TPD52L1: variants seen among roughly 807,000 people sequenced by gnomAD.
The protein encoded by TPD52L1 is TPD52 like 1, also known as tumor protein D53.
Under a neutral mutation model 28.7 loss-of-function variants are expected in TPD52L1, and 18 were observed. That is an observed-to-expected ratio of 0.63 (90% CI 0.43 to 0.93). The LOEUF (loss-of-function observed/expected upper bound fraction) is 0.93, where lower values mean the gene tolerates loss of function less well. Among genes scored for constraint, TPD52L1 ranks in the 40% least tolerant of loss-of-function variants. The pLI is 0.00. For synonymous variants in TPD52L1, 75 were observed against 88.8 expected, an observed-to-expected ratio of 0.84 and a Z score of 0.88; for missense variants, 203 against 254.8, an observed-to-expected ratio of 0.80 and a Z score of 1.39.
chr6:125,177,692 G>A (rs1008849878), intron 1 of TPD52L1, among the ~76,000 whole-genome samples: 1 of 152,108 alleles, frequency 6.6e-6, no homozygotes, highest in African/African-American at 2.4e-5. Flanking sequence ...TAATTAAAAA[G>A]TTAACATTTT....
chr6:125,254,558 C>A (rs1016315196), intron 5 of TPD52L1, among the ~76,000 whole-genome samples: 3 of 152,034 alleles, frequency 2.0e-5, no homozygotes, highest in East Asian at 3.9e-4. Flanking sequence ...AGAGATGAAG[C>A]CTTTGGGATC....
At chr6:125,239,762 CAA>C (rs1193372042) in intron 3 of TPD52L1, among the ~76,000 whole-genome samples, 6 of 152,104 alleles carry the variant, frequency 3.9e-5, no homozygotes, top group African/African-American at 1.4e-4. Context: ...GCATAGTTTG[CAA>C]AGATTTTCTC....
chr6:125,182,614 C>T (rs1034181967), intron 1 of TPD52L1, among the ~76,000 whole-genome samples: 1 of 152,168 alleles, frequency 6.6e-6, no homozygotes, highest in East Asian at 1.9e-4. Context: ...ATTTAGTTAA[C>T]TTGACTGAGA....
chr6:125,153,929 C>T lies in TPD52L1; in HGVS notation c.-23C>T. 6.2e-7 allele frequency: 1 copy of T among 1,602,242 alleles called. No individual in the cohort carries two copies. The highest frequency in any genetic ancestry group is 8.5e-7 in the Non-Finnish European group (1 of 1,177,440). On this transcript the variant is annotated 5_prime_UTR_variant, in exon 1 of 7. Coordinates refer to ENST00000534000, the MANE Select transcript of TPD52L1 (RefSeq NM_003287.4). Reference sequence around the variant, plus strand: ...GGGAAGCACCAGGGTGTCCCCGCCGCCCTCAGCTCGAAGTCAGCCACCATG... The same window carrying T: ...GGGAAGCACCAGGGTGTCCCCGCCGTCCTCAGCTCGAAGTCAGCCACCATG...
At chr6:125,239,533 T>C (rs1796493157) in intron 3 of TPD52L1, among the ~76,000 whole-genome samples, 1 of 152,148 alleles carries the variant, frequency 6.6e-6, no homozygotes, top group African/African-American at 2.4e-5. Context: ...AAAAATAGTA[T>C]GTGGGAAACC....
chr6:125,193,847 A>G (rs1340821522), intron 1 of TPD52L1, among the ~76,000 whole-genome samples: 1 of 152,130 alleles, frequency 6.6e-6, no homozygotes, highest in East Asian at 1.9e-4. Context: ...AGCCTTGCAG[A>G]GTGAGCTGGG....
intron 1 of TPD52L1, among the ~76,000 whole-genome samples, chr6:125,180,569 T>TATAC (rs1554203761): frequency 0.011 from 1,721 of 150,248 alleles, 28 homozygotes; most frequent in African/African-American, 0.04. Flanking sequence ...ATATTATATA[T>TATAC]ACACACACAC....
At chr6:125,235,249 T>A (rs998916920) in intron 3 of TPD52L1, among the ~76,000 whole-genome samples, 57 of 151,902 alleles carry the variant, frequency 3.8e-4, no homozygotes, top group Non-Finnish European at 5.1e-4. Context: ...TCAATCAGGA[T>A]GCAGCATAAG....
chr6:125,154,588 G>T, intron 1 of TPD52L1: 2 of 955,248 alleles, frequency 2.1e-6, no homozygotes, highest in Non-Finnish European at 1.2e-6. Context: ...GGCGCGCGGG[G>T]CCCCCGGCCG....
chr6:125,235,383 G>A (rs79675163), intron 3 of TPD52L1, among the ~76,000 whole-genome samples: 1,607 of 151,900 alleles, frequency 0.011, 28 homozygotes, highest in African/African-American at 0.037. Context: ...CATAAAATAC[G>A]CTAAGGATAG....
intron 1 of TPD52L1, among the ~76,000 whole-genome samples, chr6:125,190,413 A>C (rs1218955852): frequency 6.6e-6 from 1 of 152,164 alleles, no homozygotes; most frequent in Non-Finnish European, 1.5e-5. Context: ...AGAGCCATGA[A>C]GACTGTCCCA....
At chr6:125,203,672 G>T (rs1361924326) in intron 1 of TPD52L1, 1 of 985,278 alleles carries the variant, frequency 1.0e-6, no homozygotes, top group Non-Finnish European at 1.2e-6. Context: ...ATGACCTCAG[G>T]TCAGGAATAA....
intron 3 of TPD52L1, among the ~76,000 whole-genome samples, chr6:125,241,797 A>G (rs550621466): frequency 1.4e-5 from 2 of 145,974 alleles, no homozygotes; most frequent in Admixed American, 1.4e-4. Flanking sequence ...TAACTTTTAT[A>G]TCTTTTTTTT....
chr6:125,217,232 C>T lies in TPD52L1; in HGVS notation c.20-2846C>T, dbSNP rs764658220. The stretch of plus-strand genomic sequence containing the variant: ...TAATTTTTCCACAGACAAAGGGTGG[C>T]GGTGATGTTTTTGGGATGATTCAAG... On this transcript the variant is annotated intron_variant, in intron 1 of 6. Coordinates refer to ENST00000534000, the MANE Select transcript of TPD52L1 (RefSeq NM_003287.4). Among the ~76,000 whole-genome samples, 317 of 152,016 alleles carry T rather than the reference C, an allele frequency of 2.1e-3. 10 individuals are homozygous for T. The highest frequency in any genetic ancestry group is 8.5e-4 in the Non-Finnish European group (58 of 68,004).
intron 3 of TPD52L1, among the ~76,000 whole-genome samples, chr6:125,239,292 C>T (rs193140346): frequency 1.4e-3 from 220 of 152,116 alleles, no homozygotes; most frequent in Admixed American, 2.9e-3. Flanking sequence ...TGTCTATTCA[C>T]GTCTGTATTA....
chr6:125,239,943 A>G (rs977809055), intron 3 of TPD52L1, among the ~76,000 whole-genome samples: 1 of 152,120 alleles, frequency 6.6e-6, no homozygotes, highest in African/African-American at 2.4e-5. Context: ...ATCCTCTAGA[A>G]TTTTTATAGT....
intron 1 of TPD52L1, among the ~76,000 whole-genome samples, chr6:125,172,153 TTTCTTTTCTTTCTTTCTTTCTTTC>T (rs1562211504): frequency 1.0e-4 from 6 of 58,926 alleles, no homozygotes; most frequent in East Asian, 8.1e-4. Context: ...TCTTTCTTTC[TTTCTTTTCTTTCTTTCTTTCTTTC>T]TTTCTTTCTT....
At chr6:125,160,212 A>G (rs1790429190) in intron 1 of TPD52L1, among the ~76,000 whole-genome samples, 2 of 152,210 alleles carry the variant, frequency 1.3e-5, no homozygotes, top group African/African-American at 2.4e-5. Context: ...ATATTCAGAA[A>G]GAAATATTTT....
At chr6:125,172,551 T>TATATATAAAA (rs533258594) in intron 1 of TPD52L1, among the ~76,000 whole-genome samples, 2 of 83,836 alleles carry the variant, frequency 2.4e-5, no homozygotes, top group Admixed American at 2.8e-4. Context: ...TATATATATA[T>TATATATAAAA]AATATATATA....
Sources: gnomAD v4.1 joint callset for allele counts (sites outside exome capture counted in the v4.1 genomes callset) on GRCh38, gnomAD v4.1.1 for gene constraint, MANE v1.5 for transcripts, NCBI Gene and HGNC (gene_info 2026-07-23, HGNC 2026-07-21) for gene names.